GNB4: variants seen among roughly 807,000 people sequenced by gnomAD.
The protein encoded by GNB4 is guanine nucleotide-binding protein subunit beta-4.
In GNB4, 28 loss-of-function variants were observed where a neutral mutation model predicts 45.2. The observed-to-expected ratio is 0.62, with a 90% CI of 0.46 to 0.85. GNB4 has a LOEUF of 0.85. Ranked by LOEUF, GNB4 falls within the 40% of genes least tolerant of loss-of-function variation. The pLI, the probability that GNB4 is intolerant of heterozygous loss-of-function variation, is 0.00. For synonymous variants in GNB4, 132 were observed against 143.7 expected (o/e 0.92, Z 0.58); for missense variants, 321 against 425.4 (o/e 0.75, Z 2.16).
At chr3:179,489,878 A>G in the GNB4 span, among the ~76,000 whole-genome samples, 1 of 152,194 alleles carries the variant, frequency 6.6e-6, no homozygotes, top group Non-Finnish European at 1.5e-5. Flanking sequence ...TGCACTTTCC[A>G]CATTTCCCAA....
chr3:179,466,960 AT>A, the GNB4 span, among the ~76,000 whole-genome samples: 1 of 152,170 alleles, frequency 6.6e-6, no homozygotes, highest in Non-Finnish European at 1.5e-5. Context: ...TTAAGGGTGG[AT>A]TTTTAGCTCC....
In GNB4 at chr3:179,405,628, T is replaced by G. The variant is rs1165099814; in HGVS notation, c.700-222A>C. The G allele has an allele frequency of 4.1e-5, 19 of 465,344 alleles. No homozygotes were observed. The South Asian group carries it at 5.7e-4, about 14-fold the overall frequency. 28.8% of individuals were successfully genotyped at this position (465,344 alleles called of 1,614,324 possible). ...ATATGCAAAGTACACAGCCCATTGT[T>G]CAGAACACAGCAAGTATTCAACAAA... On this transcript the variant is annotated intron_variant, in intron 8 of 9. Coordinates refer to ENST00000232564, the MANE Select transcript of GNB4 (RefSeq NM_021629.4).
chr3:179,411,257 A>G (rs2108586869), intron 8 of GNB4, among the ~76,000 whole-genome samples: 1 of 152,298 alleles, frequency 6.6e-6, no homozygotes, highest in African/African-American at 2.4e-5. Flanking sequence ...TTCATTTCTA[A>G]GCCTAACATT....
chr3:179,441,622 G>A (rs576630524), intron 1 of GNB4, among the ~76,000 whole-genome samples: 19 of 151,528 alleles, frequency 1.3e-4, no homozygotes, highest in Admixed American at 5.3e-4. Flanking sequence ...CTGGGTGGCC[G>A]GCGCCTGTAA....
chr3:179,501,479 T>C, the GNB4 span, among the ~76,000 whole-genome samples: 1 of 121,346 alleles, frequency 8.2e-6, no homozygotes, highest in Non-Finnish European at 1.6e-5. Flanking sequence ...TTGGGGTTTG[T>C]TTTGGTTTGG....
At position 179,397,455 on chromosome 3, in the gene GNB4, C is replaced by T. The variant is rs1021703816; in HGVS notation, c.*3758G>A. ...ATTCTGTAACATATTCTAGAAGCAC[C>T]TACATCCATTATTTCCAGGAGACTA... On this transcript the variant is annotated 3_prime_UTR_variant, in exon 10 of 10. Transcript: ENST00000232564. 8 of 152,176 alleles carry T rather than the reference C, an allele frequency of 5.3e-5. No homozygotes were observed. The highest frequency in any genetic ancestry group is 1.2e-4 in the Non-Finnish European group (8 of 68,028). The allele number at this position is 152,176 out of a possible 1,614,324, so 9.4% of individuals were successfully genotyped here.
At chr3:179,424,007 T>C (rs1309822737) in intron 2 of GNB4, among the ~76,000 whole-genome samples, 2 of 152,088 alleles carry the variant, frequency 1.3e-5, no homozygotes, top group African/African-American at 4.8e-5. Flanking sequence ...GAAAGAGTAA[T>C]GCGTGTTCAG....
chr3:179,436,378 G>C (rs1247626830), intron 1 of GNB4, among the ~76,000 whole-genome samples: 1 of 151,992 alleles, frequency 6.6e-6, no homozygotes, highest in Non-Finnish European at 1.5e-5. Context: ...CAATGAGAGT[G>C]AAACTCCATC....
chr3:179,440,324 A>C (rs1214248556), intron 1 of GNB4, among the ~76,000 whole-genome samples: 2 of 152,206 alleles, frequency 1.3e-5, no homozygotes, highest in African/African-American at 4.8e-5. Context: ...GTCTTCTTTT[A>C]TCTTGAAATA....
At chr3:179,446,148 T>A (rs555543000) in intron 1 of GNB4, among the ~76,000 whole-genome samples, 132 of 152,308 alleles carry the variant, frequency 8.7e-4, no homozygotes, top group African/African-American at 2.0e-3. Flanking sequence ...CATTTTTCTG[T>A]CCATAACTAT....
At chr3:179,468,511 C>A in the GNB4 span, among the ~76,000 whole-genome samples, 4 of 144,592 alleles carry the variant, frequency 2.8e-5, no homozygotes, top group African/African-American at 5.0e-5. Flanking sequence ...AAAAAAAAAA[C>A]AAAAAACAAA....
the GNB4 span, among the ~76,000 whole-genome samples, chr3:179,486,220 C>A: frequency 0.012 from 1,540 of 123,530 alleles, no homozygotes; most frequent in Middle Eastern, 0.021. Context: ...GACTCTGTCT[C>A]AAAAAAAAAA....
At chr3:179,429,080 C>T (rs1028623301) in intron 1 of GNB4, among the ~76,000 whole-genome samples, 6 of 152,234 alleles carry the variant, frequency 3.9e-5, no homozygotes, top group Admixed American at 2.0e-4. Context: ...CCGGGCCCTT[C>T]CTGCACATTC....
At chr3:179,489,935 T>C in the GNB4 span, among the ~76,000 whole-genome samples, 1 of 152,226 alleles carries the variant, frequency 6.6e-6, no homozygotes. Context: ...TCAAGATACA[T>C]CTTAAGGACT....
At chr3:179,527,790 ATGTGTGTGTGTGTGTGTGTG>A in the GNB4 span, among the ~76,000 whole-genome samples, 1 of 142,336 alleles carries the variant, frequency 7.0e-6, no homozygotes, top group Admixed American at 7.2e-5. Flanking sequence ...GTGTGTATGT[ATGTGTGTGTGTGTGTGTGTG>A]TGTGTGTGTG....
the GNB4 span, among the ~76,000 whole-genome samples, chr3:179,469,322 T>C: frequency 2.0e-5 from 3 of 152,224 alleles, no homozygotes; most frequent in Admixed American, 6.5e-5. Context: ...TTTTGGGTTA[T>C]ACCTTAAATA....
chr3:179,412,945 C>T (rs368705443), intron 8 of GNB4, among the ~76,000 whole-genome samples: 4 of 151,862 alleles, frequency 2.6e-5, no homozygotes, highest in Admixed American at 6.6e-5. Flanking sequence ...TTTGGGAGGC[C>T]GAGGCAGGAA....
chr3:179,425,740 G>A (rs767518352), intron 2 of GNB4, among the ~76,000 whole-genome samples: 29 of 152,110 alleles, frequency 1.9e-4, no homozygotes, highest in Admixed American at 1.6e-3. Flanking sequence ...CAAAGTGCTG[G>A]GATTACAGGC....
chr3:179,469,973 G>A, the GNB4 span, among the ~76,000 whole-genome samples: 1 of 152,164 alleles, frequency 6.6e-6, no homozygotes, highest in East Asian at 1.9e-4. Context: ...CTATGAACTA[G>A]ATATTTCACA....
Sources: allele counts gnomAD v4.1 joint callset (sites outside exome capture counted in the v4.1 genomes callset), GRCh38; gene constraint gnomAD v4.1.1; transcripts MANE v1.5; gene names NCBI Gene and HGNC (gene_info 2026-07-23, HGNC 2026-07-21).